MEIS2: variants seen among roughly 807,000 people sequenced by gnomAD.
MEIS2 encodes the protein homeobox protein Meis2.
Under a neutral mutation model 58.6 loss-of-function variants are expected in MEIS2, and 9 were observed. The ratio of observed to expected loss-of-function variants is 0.15; its 90% CI spans 0.09 to 0.27. The LOEUF is 0.27. MEIS2 is among the 10% of genes least tolerant of loss of function. The pLI is 1.00. For missense variants in MEIS2, 427 were observed against 635.0 expected (o/e 0.67, Z 3.52); for synonymous variants, 221 against 228.4 (o/e 0.97, Z 0.29).
chr15:36,894,880 G>C (rs775996529), intron 11 of MEIS2: 1 of 1,304,684 alleles, frequency 7.7e-7, no homozygotes, highest in Admixed American at 1.7e-5. Context: ...AAAAATAGAA[G>C]GAAACTCAGA....
chr15:37,038,100 C>T (rs1055848804), intron 7 of MEIS2, among the ~76,000 whole-genome samples: 8 of 152,188 alleles, frequency 5.3e-5, no homozygotes, highest in African/African-American at 1.9e-4. Context: ...GGGAATTGCA[C>T]TGAGATGGGG....
At chr15:37,011,173 A>C (rs1053347676) in intron 8 of MEIS2, among the ~76,000 whole-genome samples, 1 of 152,224 alleles carries the variant, frequency 6.6e-6, no homozygotes, top group East Asian at 1.9e-4. Flanking sequence ...ATTATATCAC[A>C]CAGAGTAAAA....
chr15:37,045,969 C>T (rs571701733), intron 7 of MEIS2, among the ~76,000 whole-genome samples: 6 of 152,186 alleles, frequency 3.9e-5, no homozygotes, highest in African/African-American at 1.2e-4. Flanking sequence ...ACACCCTCCC[C>T]CCGGGGTATG....
chr15:37,073,345 C>G (rs1332113124), intron 7 of MEIS2, among the ~76,000 whole-genome samples: 1 of 151,944 alleles, frequency 6.6e-6, no homozygotes, highest in Non-Finnish European at 1.5e-5. Context: ...AACTGAGTAC[C>G]TGCCATGTGT....
intron 7 of MEIS2, among the ~76,000 whole-genome samples, chr15:37,045,307 G>T (rs138608443): frequency 1.3e-5 from 2 of 152,052 alleles, no homozygotes; most frequent in African/African-American, 4.8e-5. Flanking sequence ...CTAATTTTCC[G>T]TCATCACTTC....
At chr15:36,939,860 T>C (rs1475547315) in intron 9 of MEIS2, among the ~76,000 whole-genome samples, 1 of 152,208 alleles carries the variant, frequency 6.6e-6, no homozygotes, top group African/African-American at 2.4e-5. Flanking sequence ...TGATGGTAAA[T>C]TGGCAGGCAT....
chr15:36,937,960 T>C (rs1021156903), intron 9 of MEIS2, among the ~76,000 whole-genome samples: 3 of 152,218 alleles, frequency 2.0e-5, no homozygotes, highest in African/African-American at 7.2e-5. Context: ...TCCATTTTTA[T>C]GAAGAATTTT....
At chr15:36,930,476 G>A (rs528304863) in intron 9 of MEIS2, among the ~76,000 whole-genome samples, 2 of 152,110 alleles carry the variant, frequency 1.3e-5, no homozygotes, top group Non-Finnish European at 2.9e-5. Context: ...ACGCTGACAA[G>A]GTGCAAACAT....
At chr15:36,921,886 G>A (rs1481171002) in intron 9 of MEIS2, among the ~76,000 whole-genome samples, 1 of 152,162 alleles carries the variant, frequency 6.6e-6, no homozygotes, top group Non-Finnish European at 1.5e-5. Context: ...TTTAAACATC[G>A]ACTTAGTTTG....
chr15:37,081,852 A>G (rs1386722643), intron 7 of MEIS2, among the ~76,000 whole-genome samples: 2 of 152,222 alleles, frequency 1.3e-5, no homozygotes, highest in Non-Finnish European at 1.5e-5. Flanking sequence ...CCCACAGCAC[A>G]GAAGTTTGTG....
chr15:37,051,579 A>G (rs942260492), intron 7 of MEIS2, among the ~76,000 whole-genome samples: 1 of 152,212 alleles, frequency 6.6e-6, no homozygotes, highest in Non-Finnish European at 1.5e-5. Context: ...AAACTTATTA[A>G]ATTGTACACT....
At chr15:37,048,304 T>C (rs1174322939) in intron 7 of MEIS2, among the ~76,000 whole-genome samples, 1 of 152,148 alleles carries the variant, frequency 6.6e-6, no homozygotes, top group Non-Finnish European at 1.5e-5. Flanking sequence ...TATCATACTT[T>C]AATATTAAAT....
At chr15:36,949,733 C>G (rs576496901) in intron 9 of MEIS2, among the ~76,000 whole-genome samples, 1 of 152,084 alleles carries the variant, frequency 6.6e-6, no homozygotes, top group Non-Finnish European at 1.5e-5. Flanking sequence ...TCCTCTGCCC[C>G]TCCTTTTCCT....
chr15:36,970,461 ACT>A (rs1379789105), intron 8 of MEIS2, among the ~76,000 whole-genome samples: 7 of 151,936 alleles, frequency 4.6e-5, no homozygotes, highest in Non-Finnish European at 7.4e-5. Context: ...ACGCACACAC[ACT>A]CTGCAGGAAA....
At chr15:36,987,305 G>A (rs1333282229) in intron 8 of MEIS2, among the ~76,000 whole-genome samples, 5 of 151,826 alleles carry the variant, frequency 3.3e-5, no homozygotes, top group East Asian at 1.9e-4. Context: ...CTACTTGGGA[G>A]GCTAAGGCAA....
intron 7 of MEIS2, among the ~76,000 whole-genome samples, chr15:37,040,247 C>T (rs75018684): frequency 0.017 from 2,517 of 152,162 alleles, 72 homozygotes; most frequent in African/African-American, 0.056. Flanking sequence ...GGAATCCTTG[C>T]GGGCAGTTAA....
intron 8 of MEIS2, among the ~76,000 whole-genome samples, chr15:36,977,210 A>C (rs996924298): frequency 1.3e-5 from 2 of 152,232 alleles, no homozygotes; most frequent in Non-Finnish European, 2.9e-5. Flanking sequence ...ATAAAATTTT[A>C]GAACCAAAAT....
intron 8 of MEIS2, among the ~76,000 whole-genome samples, chr15:36,965,799 G>C (rs1004131143): frequency 6.6e-6 from 1 of 152,076 alleles, no homozygotes; most frequent in African/African-American, 2.4e-5. Context: ...ATGACCAGGA[G>C]ACTAACTAGT....
rs7169536 is a variant in MEIS2 at position 36,970,330 on chromosome 15, G to A, written c.901-19930C>T. On this transcript the variant is annotated intron_variant, in intron 8 of 11. Coordinates refer to ENST00000561208, the MANE Select transcript of MEIS2 (RefSeq NM_170675.5). ...GAGGCAGGAGAATGGCGTGAACCCG[G>A]GAGGCGGAGCTTGCAGTGAGCCGAG... is the stretch of plus-strand genomic sequence containing the variant. Among the ~76,000 whole-genome samples, 1,374 of 151,950 alleles carry A rather than the reference G, an allele frequency of 9.0e-3. 18 individuals carry two copies. Among genetic ancestry groups the A allele is most frequent in the African/African-American group, 0.03 (1,246 of 41,392 alleles).
Sources: gnomAD v4.1 joint callset for allele counts (sites outside exome capture counted in the v4.1 genomes callset) on GRCh38, gnomAD v4.1.1 for gene constraint, MANE v1.5 for transcripts, NCBI Gene and HGNC (gene_info 2026-07-23, HGNC 2026-07-21) for gene names.